Variants in AFF3 observed in about 807,000 individuals in gnomAD.
The protein encoded by AFF3 is AF4/FMR2 family member 3.
In AFF3, 32 loss-of-function variants were observed where a neutral mutation model predicts 129.7. The observed-to-expected ratio is 0.25, with a 90% CI of 0.19 to 0.33. AFF3 has a LOEUF of 0.33. Among genes scored for constraint, AFF3 ranks in the 10% least tolerant of loss-of-function variants. The probability of loss-of-function intolerance (pLI) is 1.00; values close to 1 mark genes in which losing one functional copy is unlikely to be tolerated. For synonymous variants in AFF3, 644 were observed against 635.4 expected (o/e 1.01, Z -0.20); for missense variants, 1,373 against 1,592.0 (o/e 0.86, Z 2.34).
chr2:99,578,460 C>G lies in AFF3; in HGVS notation c.2794-9G>C, dbSNP rs188852943. ...TTGTTGTGAGCTGCTTTCTAAACAA[C>G]AAACAACACACATCTTTGAGAAATT... is the stretch of plus-strand genomic sequence containing the variant. On this transcript the variant is annotated splice_polypyrimidine_tract_variant and intron_variant, in intron 17 of 24. Coordinates refer to ENST00000672756, the MANE Select transcript of AFF3 (RefSeq NM_001386135.1). 1.2e-6 allele frequency: 2 copies of G among 1,608,954 alleles called. No homozygotes were observed. The highest frequency in any genetic ancestry group is 1.7e-5 in the Admixed American group (1 of 58,898).
At chr2:99,698,351 T>C (rs1468880496) in intron 11 of AFF3, among the ~76,000 whole-genome samples, 1 of 152,210 alleles carries the variant, frequency 6.6e-6, no homozygotes, top group African/African-American at 2.4e-5. Flanking sequence ...AGAGTCTGCC[T>C]GTGACTCATG....
At chr2:100,128,247 C>T (rs752768261) in intron 2 of AFF3, among the ~76,000 whole-genome samples, 2 of 152,170 alleles carry the variant, frequency 1.3e-5, no homozygotes, top group Non-Finnish European at 2.9e-5. Context: ...TTTTAATAAA[C>T]TTGTTTTCAC....
intron 7 of AFF3, among the ~76,000 whole-genome samples, chr2:99,849,742 A>C (rs1027928151): frequency 6.6e-6 from 1 of 152,256 alleles, no homozygotes; most frequent in Non-Finnish European, 1.5e-5. Flanking sequence ...AGATGATGTT[A>C]TCTCTACCAT....
intron 13 of AFF3, among the ~76,000 whole-genome samples, chr2:99,644,586 C>T (rs192697660): frequency 1.3e-5 from 2 of 152,342 alleles, no homozygotes; most frequent in East Asian, 3.9e-4. Flanking sequence ...GTATGATTAA[C>T]TTCTTAGTCC....
intron 12 of AFF3, among the ~76,000 whole-genome samples, chr2:99,668,347 T>G (rs997909398): frequency 6.6e-6 from 1 of 151,896 alleles, no homozygotes; most frequent in South Asian, 2.1e-4. Context: ...AATTTTTGTA[T>G]TTTTAGTAGA....
intron 8 of AFF3, among the ~76,000 whole-genome samples, chr2:99,792,491 AC>A (rs1420142706): frequency 3.2e-4 from 10 of 31,600 alleles, no homozygotes; most frequent in South Asian, 1.6e-3. Context: ...ACAAAACAAA[AC>A]AAAAACAAAC....
At chr2:99,748,463 G>A (rs1444240344) in intron 9 of AFF3, among the ~76,000 whole-genome samples, 1 of 152,160 alleles carries the variant, frequency 6.6e-6, no homozygotes, top group Admixed American at 6.5e-5. Flanking sequence ...GAGGTGACAT[G>A]TGTACAAATC....
intron 7 of AFF3, among the ~76,000 whole-genome samples, chr2:99,839,600 CTTTT>C (rs201446516): frequency 4.2e-4 from 63 of 150,618 alleles, no homozygotes; most frequent in Admixed American, 4.1e-3. Flanking sequence ...TCTGCATTTT[CTTTT>C]TTTTCTTTCT....
At chr2:99,888,092 T>G (rs2106059483) in intron 7 of AFF3, among the ~76,000 whole-genome samples, 1 of 152,328 alleles carries the variant, frequency 6.6e-6, no homozygotes, top group South Asian at 2.1e-4. Context: ...GTCTTAGAAA[T>G]GAGCCTAATA....
intron 10 of AFF3, among the ~76,000 whole-genome samples, chr2:99,738,926 T>C (rs1680476776): frequency 2.0e-5 from 3 of 152,134 alleles, no homozygotes; most frequent in African/African-American, 2.4e-5. Context: ...TTACTCCATG[T>C]CATCTATTTT....
At chr2:99,615,811 G>A (rs1681370445) in intron 13 of AFF3, among the ~76,000 whole-genome samples, 1 of 152,374 alleles carries the variant, frequency 6.6e-6, no homozygotes, top group Non-Finnish European at 1.5e-5. Context: ...CCTCAGCAGT[G>A]TTTCATCTAA....
At position 99,957,207 on chromosome 2, in the gene AFF3, A is replaced by AT. The variant is rs533546085; in HGVS notation, c.873+49424dup. Among the ~76,000 whole-genome samples, 28 of 151,336 alleles carry AT rather than the reference A, an allele frequency of 1.9e-4. No homozygotes were observed. In the South Asian group the frequency reaches 5.8e-3, roughly 31 times the overall value. On this transcript the variant is annotated intron_variant, in intron 7 of 24. Coordinates refer to ENST00000672756, the MANE Select transcript of AFF3 (RefSeq NM_001386135.1). ...CGTGTGTGTGTGTGCGCGCGCGCGC[A>AT]TTTTTAGGTAGAGACCAATTAGATA...
At chr2:100,066,703 A>T (rs77809381) in intron 4 of AFF3, among the ~76,000 whole-genome samples, 5,416 of 152,254 alleles carry the variant, frequency 0.036, 321 homozygotes, top group African/African-American at 0.12. Flanking sequence ...ATCAGAACAC[A>T]GTAGTTAGCA....
At chr2:99,729,775 G>A (rs1340018350) in intron 10 of AFF3, among the ~76,000 whole-genome samples, 2 of 103,136 alleles carry the variant, frequency 1.9e-5, no homozygotes, top group East Asian at 3.0e-4. Context: ...CCCCCTGCCC[G>A]CCCCACCATC....
chr2:99,583,089 A>C, intron 16 of AFF3, 90 bp from the exon 17 acceptor site: 3 of 1,165,194 alleles, frequency 2.6e-6, no homozygotes, highest in Non-Finnish European at 3.8e-6. Flanking sequence ...CCCAACTGGG[A>C]CCTGTTGGTA....
intron 7 of AFF3, among the ~76,000 whole-genome samples, chr2:99,969,174 C>A (rs547704878): frequency 6.6e-6 from 1 of 152,304 alleles, no homozygotes; most frequent in East Asian, 1.9e-4. Flanking sequence ...TGCCCCAGCA[C>A]ATATTCCGCC....
chr2:99,682,014 TC>T (rs1372599682), intron 11 of AFF3, among the ~76,000 whole-genome samples: 2 of 151,268 alleles, frequency 1.3e-5, no homozygotes, highest in African/African-American at 4.9e-5. Context: ...CAAGCAATGC[TC>T]CCTACCTCAG....
intron 7 of AFF3, among the ~76,000 whole-genome samples, chr2:99,985,314 G>A (rs1052089830): frequency 7.2e-5 from 11 of 151,888 alleles, no homozygotes; most frequent in Non-Finnish European, 1.6e-4. Context: ...TTACATATTC[G>A]AAATTGCAAT....
At chr2:99,867,823 G>A (rs1691543546) in intron 7 of AFF3, among the ~76,000 whole-genome samples, 1 of 152,164 alleles carries the variant, frequency 6.6e-6, no homozygotes, top group African/African-American at 2.4e-5. Flanking sequence ...TAACCTCTCT[G>A]GCTACACAGT....
Sources: gnomAD v4.1 joint callset for allele counts (sites outside exome capture counted in the v4.1 genomes callset) on GRCh38, gnomAD v4.1.1 for gene constraint, MANE v1.5 for transcripts, NCBI Gene and HGNC (gene_info 2026-07-23, HGNC 2026-07-21) for gene names.